CSGALNACT1: variants seen among roughly 807,000 people sequenced by gnomAD.
CSGALNACT1 encodes chondroitin sulfate N-acetylgalactosaminyltransferase 1, also known as beta4GalNAcT-1.
A neutral mutation model predicts 51.0 loss-of-function variants in CSGALNACT1; 52 were observed. The observed-to-expected ratio is 1.02, with a 90% CI of 0.82 to 1.29. The LOEUF (loss-of-function observed/expected upper bound fraction) is 1.29. CSGALNACT1 is among the 50% of genes most tolerant of loss of function. The pLI is 0.00. For missense variants in CSGALNACT1, 935 were observed against 679.2 expected (o/e 1.38, Z -4.19); for synonymous variants, 341 against 254.4 (o/e 1.34, Z -3.24).
intron 4 of CSGALNACT1, among the ~76,000 whole-genome samples, chr8:19,467,066 CACTT>C (rs2066864912): frequency 6.7e-6 from 1 of 150,070 alleles, no homozygotes; most frequent in African/African-American, 2.5e-5. Context: ...TCTAAGAACT[CACTT>C]AGAGTGCCTT....
At chr8:19,471,209 A>G (rs1317901937) in intron 4 of CSGALNACT1, among the ~76,000 whole-genome samples, 1 of 152,218 alleles carries the variant, frequency 6.6e-6, no homozygotes, top group Non-Finnish European at 1.5e-5. Flanking sequence ...TCCAATGGGC[A>G]TGCGTATCAC....
At chr8:19,623,486 A>C (rs2054082013) in intron 1 of CSGALNACT1, among the ~76,000 whole-genome samples, 1 of 152,230 alleles carries the variant, frequency 6.6e-6, no homozygotes, top group Non-Finnish European at 1.5e-5. Context: ...TTAAGAATTG[A>C]ACAATACTAT....
chr8:19,690,542 A>C (rs377717420), intron 1 of CSGALNACT1, among the ~76,000 whole-genome samples: 1 of 152,252 alleles, frequency 6.6e-6, no homozygotes, highest in Non-Finnish European at 1.5e-5. Context: ...GACAAAATAG[A>C]AAACATATAT....
intron 8 of CSGALNACT1, among the ~76,000 whole-genome samples, chr8:19,410,295 A>C (rs1452156791): frequency 6.6e-6 from 1 of 152,198 alleles, no homozygotes; most frequent in African/African-American, 2.4e-5. Flanking sequence ...TTTCATTAGT[A>C]TCAACTGGAA....
chr8:19,465,393 G>A (rs775132192), intron 4 of CSGALNACT1, among the ~76,000 whole-genome samples: 1 of 152,166 alleles, frequency 6.6e-6, no homozygotes, highest in East Asian at 1.9e-4. Flanking sequence ...TTCTGTTTGA[G>A]AAGATGAAAG....
chr8:19,674,368 G>C (rs2060012974), intron 1 of CSGALNACT1, among the ~76,000 whole-genome samples: 2 of 152,156 alleles, frequency 1.3e-5, no homozygotes, highest in African/African-American at 4.8e-5. Context: ...GAGGAATGGA[G>C]GTGGTATCTC....
chr8:19,631,689 G>A (rs774222120), intron 1 of CSGALNACT1, among the ~76,000 whole-genome samples: 1 of 152,170 alleles, frequency 6.6e-6, no homozygotes, highest in Non-Finnish European at 1.5e-5. Context: ...AACTTTTTTA[G>A]TACAGCATGA....
chr8:19,668,597 C>A (rs1361346168), intron 1 of CSGALNACT1, among the ~76,000 whole-genome samples: 1 of 152,204 alleles, frequency 6.6e-6, no homozygotes, highest in Non-Finnish European at 1.5e-5. Flanking sequence ...CTCTGTCACA[C>A]AGGTTGGAAT....
intron 3 of CSGALNACT1, among the ~76,000 whole-genome samples, chr8:19,585,730 A>G (rs1042389598): frequency 4.6e-5 from 7 of 152,204 alleles, no homozygotes; most frequent in Admixed American, 2.0e-4. Flanking sequence ...TAAAATGAGA[A>G]GAACCCATAC....
At chr8:19,556,693 T>G (rs1038319521) in intron 3 of CSGALNACT1, among the ~76,000 whole-genome samples, 1 of 152,202 alleles carries the variant, frequency 6.6e-6, no homozygotes. Context: ...ATTCTCCTTT[T>G]TTTTTTCTCT....
chr8:19,743,206 G>A (rs1461976503), intron 1 of CSGALNACT1, among the ~76,000 whole-genome samples: 1 of 152,172 alleles, frequency 6.6e-6, no homozygotes, highest in Non-Finnish European at 1.5e-5. Flanking sequence ...TGGAACCACT[G>A]AGAGGGAAAA....
At chr8:19,743,752 G>A (rs1233395126) in intron 1 of CSGALNACT1, among the ~76,000 whole-genome samples, 2 of 152,104 alleles carry the variant, frequency 1.3e-5, no homozygotes, top group Non-Finnish European at 2.9e-5. Flanking sequence ...TGGCTCCATT[G>A]AATAAAATTA....
chr8:19,599,472 A>AAGAAAAAGAAAGAAAGAAAG (rs1554751245), intron 2 of CSGALNACT1, among the ~76,000 whole-genome samples: 7 of 113,736 alleles, frequency 6.2e-5, no homozygotes, highest in African/African-American at 1.8e-4. Context: ...GAAAGAAAGA[A>AAGAAAAAGAAAGAAAGAAAG]AAAGAAAGAA....
At chr8:19,746,852 C>A (rs2064699085) in intron 1 of CSGALNACT1, among the ~76,000 whole-genome samples, 1 of 152,180 alleles carries the variant, frequency 6.6e-6, no homozygotes, top group Admixed American at 6.5e-5. Flanking sequence ...CATTCATTCT[C>A]TGACCTTCTT....
chr8:19,451,140 G>A (rs2063118430), intron 5 of CSGALNACT1, among the ~76,000 whole-genome samples: 4 of 152,250 alleles, frequency 2.6e-5, no homozygotes, highest in African/African-American at 4.8e-5. Context: ...CTTCTTAAAT[G>A]AAGGCCCTTA....
At chr8:19,539,440 C>T (rs979861403) in intron 3 of CSGALNACT1, among the ~76,000 whole-genome samples, 3 of 152,094 alleles carry the variant, frequency 2.0e-5, no homozygotes, top group Admixed American at 2.0e-4. Flanking sequence ...TATATTCTAC[C>T]GTAACCTCTG....
In CSGALNACT1 at chr8:19,601,853, A is replaced by C. The variant is rs2050496917; in HGVS notation, c.-498T>G. On this transcript the variant is annotated 5_prime_UTR_variant, in exon 2 of 10. The change creates a new upstream start codon in the 5' untranslated region. Transcript: ENST00000454498. ...AAATTACCTTGGCGTCTTTCCTTGAAATAGGAAGGCAGCTAAAATAAAATA... is the reference window on the plus strand; with the variant it reads ...AAATTACCTTGGCGTCTTTCCTTGACATAGGAAGGCAGCTAAAATAAAATA... 1 of 453,948 alleles carries C rather than the reference A, an allele frequency of 2.2e-6. No homozygotes were observed. The highest frequency in any genetic ancestry group is 4.4e-6 in the Non-Finnish European group (1 of 226,786). The allele number at this position is 453,948 out of a possible 1,614,324, so 28.1% of individuals were successfully genotyped here.
Position 19,505,253 on chromosome 8 carries a change from A to G in CSGALNACT1, c.582T>C (p.Pro194=), listed in dbSNP as rs147530390. 22 of 1,614,040 alleles carry G rather than the reference A, an allele frequency of 1.4e-5. No homozygotes were observed. In the South Asian group the frequency reaches 2.4e-4, roughly 18 times the overall value. Residue 194 remains proline, a synonymous_variant, in exon 4 of 10, where the codon CCT becomes CCC. Coordinates refer to ENST00000454498, the Ensembl canonical transcript of CSGALNACT1. ...GACGGTGATTGGGGCTGTTCTCTGC[A>G]GGACTGTTCAGGGTCTCCAAGGCTG... is the stretch of plus-strand genomic sequence containing the variant.
At chr8:19,486,613 G>A (rs1054517120) in intron 4 of CSGALNACT1, among the ~76,000 whole-genome samples, 6 of 152,094 alleles carry the variant, frequency 3.9e-5, no homozygotes, top group African/African-American at 9.7e-5. Context: ...ATAGGCATGG[G>A]TGGCCACCTC....
Sources: gnomAD v4.1 joint callset for allele counts (sites outside exome capture counted in the v4.1 genomes callset) on GRCh38, gnomAD v4.1.1 for gene constraint, MANE v1.5 for transcripts, NCBI Gene and HGNC (gene_info 2026-07-23, HGNC 2026-07-21) for gene names.